Variants in MACF1 observed in about 807,000 individuals in gnomAD.
MACF1 encodes microtubule-actin cross-linking factor 1.
MACF1 carries 193 observed loss-of-function variants against 854.8 expected under a neutral mutation model. That is an observed-to-expected ratio of 0.23 (90% confidence interval 0.20 to 0.25). MACF1 has a LOEUF of 0.25. Ranked by LOEUF, MACF1 falls within the 10% of genes least tolerant of loss-of-function variation. MACF1 has a pLI of 1.00. For synonymous variants in MACF1, 3,185 were observed against 3,226.7 expected, an observed-to-expected ratio of 0.99 and a Z score of 0.44; for missense variants, 7,722 against 8,929.1, an observed-to-expected ratio of 0.86 and a Z score of 5.45.
chr1:39,254,100 C>T, intron 4 of MACF1, 198 bp from the exon 5 acceptor site: 2 of 564,510 alleles, frequency 3.5e-6, no homozygotes, highest in Non-Finnish European at 6.3e-6. Context: ...GTACACAAGA[C>T]ATTTGGGGAC....
At chr1:39,446,487 T>G (rs1313948065) in intron 80 of MACF1, among the ~76,000 whole-genome samples, 3 of 151,344 alleles carry the variant, frequency 2.0e-5, no homozygotes, top group African/African-American at 7.3e-5. Flanking sequence ...ATAACATTTA[T>G]TGTAATTTTT....
intron 97 of MACF1, among the ~76,000 whole-genome samples, chr1:39,478,332 G>T (rs1644950035): frequency 6.6e-6 from 1 of 152,088 alleles, no homozygotes; most frequent in Non-Finnish European, 1.5e-5. Flanking sequence ...GGCTTGAGGA[G>T]GAAGGAAACA....
At chr1:39,368,368 G>A in intron 50 of MACF1, 54 bp downstream of exon 50, 1 of 1,515,498 alleles carries the variant, frequency 6.6e-7, no homozygotes, top group South Asian at 1.2e-5. Context: ...TCTTGTTATG[G>A]AGTGAAATGA....
chr1:39,465,183 G>A (rs904381807), intron 95 of MACF1, 71 bp downstream of exon 95: 30 of 1,453,114 alleles, frequency 2.1e-5, no homozygotes, highest in Middle Eastern at 1.7e-4. Flanking sequence ...CCTGTTCTTC[G>A]CTATGGGGAG....
Position 39,127,113 on chromosome 1 carries a change from T to C in MACF1, c.220+42675T>C, listed in dbSNP as rs1220564310. On this transcript the variant is annotated intron_variant, in intron 2 of 93. Transcript: ENST00000361689. ...AGTACACGCCTGTAATCCCAGCTAC[T>C]TGGGAGGCTGAGGCAGGAGAATTGC... Among the ~76,000 whole-genome samples, 5 of 152,210 alleles carry C rather than the reference T, an allele frequency of 3.3e-5. No individual in the cohort carries two copies. In the Middle Eastern group the frequency reaches 0.01, roughly 311 times the overall value.
chr1:39,478,225 A>T (rs952578191), intron 97 of MACF1, among the ~76,000 whole-genome samples: 92 of 151,724 alleles, frequency 6.1e-4, no homozygotes, highest in African/African-American at 2.2e-3. Flanking sequence ...CTGGTCTTGA[A>T]CTCCTGGCCT....
intron 2 of MACF1, among the ~76,000 whole-genome samples, chr1:39,150,257 G>A (rs749936844): frequency 1.1e-4 from 16 of 152,130 alleles, no homozygotes; most frequent in Non-Finnish European, 2.2e-4. Context: ...GAGCTCAAGC[G>A]ATTCGCCCAC....
intron 84 of MACF1, among the ~76,000 whole-genome samples, chr1:39,449,999 A>G (rs901965857): frequency 6.6e-6 from 1 of 152,098 alleles, no homozygotes; most frequent in African/African-American, 2.4e-5. Context: ...AGCTGGGACT[A>G]CAGGTGCACA....
At chr1:39,233,508 A>G (rs907754524) in intron 2 of MACF1, among the ~76,000 whole-genome samples, 1 of 152,194 alleles carries the variant, frequency 6.6e-6, no homozygotes, top group South Asian at 2.1e-4. Context: ...AAACACAGAA[A>G]GTCTGATGGG....
At chr1:39,371,283 A>G (rs777820841) in intron 51 of MACF1, among the ~76,000 whole-genome samples, 3 of 145,048 alleles carry the variant, frequency 2.1e-5, no homozygotes, top group Non-Finnish European at 4.5e-5. Context: ...GTGCCACTGC[A>G]CTCCAGCCTG....
intron 21 of MACF1, among the ~76,000 whole-genome samples, chr1:39,298,449 A>G (rs572833887): frequency 6.6e-6 from 1 of 152,228 alleles, no homozygotes; most frequent in East Asian, 1.9e-4. Flanking sequence ...AGTTGGCAAG[A>G]CAAGGCTCAA....
At chr1:39,248,602 C>A (rs199917721) in intron 2 of MACF1, among the ~76,000 whole-genome samples, 1 of 152,056 alleles carries the variant, frequency 6.6e-6, no homozygotes, top group African/African-American at 2.4e-5. Context: ...AGCCTCTACT[C>A]AAAATTATAG....
In MACF1 at chr1:39,105,770, C is replaced by G; in HGVS notation, c.220+21332C>G. On this transcript the variant is annotated intron_variant, in intron 2 of 93. Transcript: ENST00000361689. This position sits in a 1 kb window ranked among gnomAD's most constrained non-coding sequence, Gnocchi z 5.9. ...GGCCCGCGGGCCGGCGCAGCGTGGC[C>G]TTCGGAGCCGGTCGGCTCGGCGGCT... 9.5e-7 allele frequency: 1 copy of G among 1,056,166 alleles called. No homozygotes were observed. Among genetic ancestry groups the G allele is most frequent in the Non-Finnish European group, 1.2e-6 (1 of 868,814 alleles). The allele number at this position is 1,056,166 out of a possible 1,614,324, so 65.4% of individuals were successfully genotyped here.
Position 39,412,404 on chromosome 1 carries a change from A to G in MACF1, c.15817-9970A>G, listed in dbSNP as rs1643055388. ...TCACTTGTGAATTGTCTGTGGAGAAAGTTTGTGATGAGGATGGTGAGGCAA... is the reference window on the plus strand; with the variant it reads ...TCACTTGTGAATTGTCTGTGGAGAAGGTTTGTGATGAGGATGGTGAGGCAA... On this transcript the variant is annotated intron_variant, in intron 58 of 100. Coordinates refer to ENST00000564288, the MANE Select transcript of MACF1 (RefSeq NM_001394062.1). The G allele has an allele frequency of 2.5e-6, 4 of 1,613,886 alleles. No individual in the cohort carries two copies. The Admixed American group carries it at 6.7e-5, about 27-fold the overall frequency.
intron 2 of MACF1, among the ~76,000 whole-genome samples, chr1:39,191,320 TTGTC>T (rs1265861881): frequency 6.6e-6 from 1 of 152,104 alleles, no homozygotes; most frequent in African/African-American, 2.4e-5. Context: ...TTGAAGTAAA[TTGTC>T]TGTGTCAAAG....
intron 58 of MACF1, chr1:39,411,610 A>G (rs749138240): frequency 6.2e-7 from 1 of 1,613,924 alleles, no homozygotes; most frequent in African/African-American, 1.3e-5. Context: ...TTCAGCATGT[A>G]CTGTGGGTAC....
At chr1:39,366,943 CTTTTTT>C (rs138556133) in intron 49 of MACF1, among the ~76,000 whole-genome samples, 6 of 92,986 alleles carry the variant, frequency 6.5e-5, no homozygotes, top group African/African-American at 2.5e-4. Context: ...CATGCCTGGC[CTTTTTT>C]TTTTTTTTTT....
intron 29 of MACF1, among the ~76,000 whole-genome samples, chr1:39,318,070 T>A (rs1022653775): frequency 1.3e-5 from 2 of 152,186 alleles, no homozygotes; most frequent in African/African-American, 4.8e-5. Flanking sequence ...ATTATAGTGA[T>A]TCATAAATCA....
intron 21 of MACF1, chr1:39,298,554 G>A: frequency 2.8e-6 from 1 of 356,102 alleles, no homozygotes; most frequent in Non-Finnish European, 5.5e-6. Context: ...CAATAGAAAA[G>A]TCTGAATAAG....
Sources: allele counts gnomAD v4.1 joint callset (sites outside exome capture counted in the v4.1 genomes callset), GRCh38; gene constraint gnomAD v4.1.1; non-coding constraint Gnocchi (gnomAD v3.1); transcripts MANE v1.5; gene names NCBI Gene and HGNC (gene_info 2026-07-23, HGNC 2026-07-21).